Variants in KCNG3 observed in about 807,000 individuals in gnomAD.
KCNG3 encodes potassium voltage-gated channel modifier subfamily G member 3.
A neutral mutation model predicts 29.0 loss-of-function variants in KCNG3; 15 were observed. That is an observed-to-expected ratio of 0.52 (90% CI 0.35 to 0.80). The LOEUF is 0.80. KCNG3 is among the 30% of genes least tolerant of loss of function. The pLI is 0.01. For missense variants in KCNG3, 512 were observed against 605.7 expected (o/e 0.85, Z 1.62); for synonymous variants, 322 against 248.9 (o/e 1.29, Z -2.76).
intron 1 of KCNG3, among the ~76,000 whole-genome samples, chr2:42,448,344 CTTAT>C (rs5830729): frequency 0.47 from 68,098 of 145,484 alleles, 16,047 homozygotes; most frequent in Admixed American, 0.57. Context: ...CCACTTCCCA[CTTAT>C]TTATTTATTT....
At chr2:42,474,550 A>T (rs1233465338) in intron 1 of KCNG3, among the ~76,000 whole-genome samples, 2 of 152,168 alleles carry the variant, frequency 1.3e-5, no homozygotes, top group Non-Finnish European at 1.5e-5. Context: ...AATATATTTT[A>T]AAAACGGTTA....
Position 42,443,857 on chromosome 2 carries a change from C to T in KCNG3, c.*77G>A. On this transcript the variant is annotated 3_prime_UTR_variant, in exon 2 of 2. Transcript: ENST00000306078. ...ATGACAATGCCACTGCAGTGCTCAC[C>T]CAGCAAGAAACACATAAATATGAAG... is the stretch of plus-strand genomic sequence containing the variant. 7.2e-7 allele frequency: 1 copy of T among 1,388,958 alleles called. No homozygotes were observed. Among genetic ancestry groups the T allele is most frequent in the East Asian group, 2.3e-5 (1 of 43,542 alleles). 86.0% of individuals were successfully genotyped at this position (1,388,958 alleles called of 1,614,324 possible).
chr2:42,476,502 T>G (rs1572859915), intron 1 of KCNG3, among the ~76,000 whole-genome samples: 1 of 151,732 alleles, frequency 6.6e-6, no homozygotes, highest in East Asian at 2.0e-4. Context: ...AAAAAAAATT[T>G]TTGAGACAGA....
chr2:42,418,847 C>A, the KCNG3 span, among the ~76,000 whole-genome samples: 1 of 152,156 alleles, frequency 6.6e-6, no homozygotes, highest in Admixed American at 6.6e-5. Flanking sequence ...CCACAGGAAG[C>A]TGTATATGAC....
intron 1 of KCNG3, among the ~76,000 whole-genome samples, chr2:42,486,974 T>A (rs376174655): frequency 6.6e-6 from 1 of 151,902 alleles, no homozygotes. Flanking sequence ...CTGGCCAATA[T>A]GGTTAAACCC....
the KCNG3 span, chr2:42,388,575 G>A: frequency 1.3e-5 from 2 of 152,226 alleles, no homozygotes; most frequent in East Asian, 1.9e-4. Flanking sequence ...CTGCCTTTTC[G>A]CTGTGTGCTC....
chr2:42,422,614 A>G, the KCNG3 span, among the ~76,000 whole-genome samples: 1 of 152,196 alleles, frequency 6.6e-6, no homozygotes, highest in African/African-American at 2.4e-5. Flanking sequence ...TCTGTTATCT[A>G]AAGAAATAGA....
At chr2:42,453,205 T>C (rs1254292704) in intron 1 of KCNG3, among the ~76,000 whole-genome samples, 1 of 152,230 alleles carries the variant, frequency 6.6e-6, no homozygotes, top group Non-Finnish European at 1.5e-5. Flanking sequence ...CTGTTGGGTA[T>C]ACACCCACTC....
intron 1 of KCNG3, among the ~76,000 whole-genome samples, chr2:42,465,781 T>C (rs1046751347): frequency 1.3e-5 from 2 of 152,004 alleles, no homozygotes; most frequent in African/African-American, 2.4e-5. Flanking sequence ...TGAAACTCAA[T>C]AGCAAAAATA....
chr2:42,448,714 G>A (rs1439509634), intron 1 of KCNG3, among the ~76,000 whole-genome samples: 2 of 152,182 alleles, frequency 1.3e-5, no homozygotes, highest in African/African-American at 4.8e-5. Flanking sequence ...TTATGGCCGG[G>A]AGCGGTGGCT....
chr2:42,454,188 T>C (rs1322951268), intron 1 of KCNG3, among the ~76,000 whole-genome samples: 2 of 151,754 alleles, frequency 1.3e-5, no homozygotes, highest in African/African-American at 2.4e-5. Flanking sequence ...CATAACAGTA[T>C]GGAGGTTCCT....
intron 1 of KCNG3, among the ~76,000 whole-genome samples, chr2:42,449,544 G>C (rs1672696925): frequency 7.3e-6 from 1 of 136,438 alleles, no homozygotes; most frequent in African/African-American, 2.8e-5. Flanking sequence ...TTGAGACAGG[G>C]TCTCACTCTG....
In KCNG3 at chr2:42,493,291, C is replaced by T. The variant is rs755187237; in HGVS notation, c.211G>A (p.Gly71Ser). 3 of 1,611,546 alleles carry T rather than the reference C, an allele frequency of 1.9e-6. No individual in the cohort carries two copies. The highest frequency in any genetic ancestry group is 2.2e-5 in the East Asian group (1 of 44,834). ...YFFDRHSEAF[G>S]FILLYVRGHG... ...CCGCGCACGTAGAGCAGGATGAAGC[C>T]GAAGGCCTCCGAGTGCCGGTCGAAG... Residue 71 changes from glycine (G) to serine (S), a missense_variant, in exon 1 of 2, where the codon GGC (glycine) becomes AGC (serine). Coordinates refer to ENST00000306078, the MANE Select transcript of KCNG3 (RefSeq NM_133329.6).
At chr2:42,414,746 T>C in the KCNG3 span, among the ~76,000 whole-genome samples, 1 of 152,186 alleles carries the variant, frequency 6.6e-6, no homozygotes, top group Non-Finnish European at 1.5e-5. Flanking sequence ...CTCCATGACA[T>C]CAACTGATTA....
At chr2:42,454,259 A>G (rs753868754) in intron 1 of KCNG3, among the ~76,000 whole-genome samples, 3 of 152,180 alleles carry the variant, frequency 2.0e-5, no homozygotes, top group Non-Finnish European at 4.4e-5. Flanking sequence ...GTATATATCC[A>G]AAAAAATTGA....
the KCNG3 span, among the ~76,000 whole-genome samples, chr2:42,428,833 A>G: frequency 1.3e-5 from 2 of 152,184 alleles, no homozygotes; most frequent in Non-Finnish European, 2.9e-5. Flanking sequence ...AGAAACAGGC[A>G]CGACGCTGAG....
chr2:42,454,157 T>C (rs542499396), intron 1 of KCNG3, among the ~76,000 whole-genome samples: 1 of 150,400 alleles, frequency 6.6e-6, no homozygotes, highest in South Asian at 2.1e-4. Context: ...GGTAGGATTG[T>C]AAAAGGGTAC....
At chr2:42,438,282 A>C (rs1390608), downstream of KCNG3, among the ~76,000 whole-genome samples, 41,015 of 152,026 alleles carry the variant, frequency 0.27, 6,280 homozygotes, top group East Asian at 0.59. Flanking sequence ...TACACACTAC[A>C]AACTGCCTCC....
At position 42,452,243 on chromosome 2, in the gene KCNG3, A is replaced by ATATTTT; in HGVS notation, c.666-7665_666-7664insAAAATA. ...TAAATATATATATATATATATATAT[A>ATATTTT]TTTTTTTTTTTTTTTTAAAGGAAAC... On this transcript the variant is annotated intron_variant, in intron 1 of 1. Transcript: ENST00000306078. Among the ~76,000 whole-genome samples the ATATTTT allele has an allele frequency of 1.7e-4, 16 of 95,042 alleles. No individual in the cohort carries two copies. In the East Asian group the frequency reaches 5.5e-3, roughly 33 times the overall value. The allele number at this position is 95,042 out of a possible 152,430, so 62.4% of individuals were successfully genotyped here.
Sources: allele counts gnomAD v4.1 joint callset (sites outside exome capture counted in the v4.1 genomes callset), GRCh38; gene constraint gnomAD v4.1.1; transcripts MANE v1.5; gene names NCBI Gene and HGNC (gene_info 2026-07-23, HGNC 2026-07-21).